The following TRPM2 variants were observed in gnomAD, a reference collection of about 807,000 sequenced individuals.
TRPM2 encodes estrogen-responsive element-associated gene 1 protein.
TRPM2 carries 161 observed loss-of-function variants against 174.0 expected under a neutral mutation model. The ratio of observed to expected loss-of-function variants is 0.93; its 90% CI spans 0.81 to 1.05. TRPM2 has a LOEUF of 1.05. Among genes scored for constraint, TRPM2 ranks in the 50% least tolerant of loss-of-function variants. The probability of loss-of-function intolerance (pLI) is 0.00; values close to 1 mark genes in which losing one functional copy is unlikely to be tolerated. For missense variants in TRPM2, 2,057 were observed against 2,038.0 expected (o/e 1.01, Z -0.18); for synonymous variants, 954 against 861.3 (o/e 1.11, Z -1.88).
intron 2 of TRPM2, among the ~76,000 whole-genome samples, chr21:44,356,994 A>G (rs2048080075): frequency 1.3e-5 from 2 of 152,028 alleles, no homozygotes; most frequent in South Asian, 4.1e-4. Context: ...TTTCGTCGCC[A>G]TCTTGGTTTT....
chr21:44,440,959 G>C, intron 31 of TRPM2, 54 bp downstream of exon 31: 1 of 1,522,806 alleles, frequency 6.6e-7, no homozygotes, highest in Non-Finnish European at 9.1e-7. Flanking sequence ...ACGGGTATGG[G>C]CGTGGCCTCC....
intron 20 of TRPM2, among the ~76,000 whole-genome samples, chr21:44,414,291 G>A (rs568040836): frequency 6.6e-6 from 1 of 152,336 alleles, no homozygotes; most frequent in South Asian, 2.1e-4. Flanking sequence ...GAGCTGGCGT[G>A]GGTCTGTCCT....
upstream of TRPM2, among the ~76,000 whole-genome samples, chr21:44,352,552 A>G (rs2047944405): frequency 6.6e-6 from 1 of 152,236 alleles, no homozygotes; most frequent in South Asian, 2.1e-4. Context: ...CAGGGCAGGG[A>G]TGAGGGGGGA....
At chr21:44,423,912 G>A (rs976922953) in intron 23 of TRPM2, among the ~76,000 whole-genome samples, 180 bp downstream of exon 23, 1 of 152,180 alleles carries the variant, frequency 6.6e-6, no homozygotes, top group Non-Finnish European at 1.5e-5. Flanking sequence ...AGAAAACCCC[G>A]CCCAAGGGTT....
upstream of TRPM2, chr21:44,350,401 A>AGGGGTGC (rs2122995486): frequency 0.043 from 5,683 of 131,512 alleles, 517 homozygotes; most frequent in African/African-American, 0.15. Flanking sequence ...GAGTGCGTGC[A>AGGGGTGC]GGGGTGCGGG....
At position 44,439,062 on chromosome 21, in the gene TRPM2, T is replaced by C. The variant is rs45599332; in HGVS notation, c.4168-5T>C. The C allele has an allele frequency of 4.2e-4, 683 of 1,611,396 alleles. 10 individuals carry two copies. In the African/African-American group the frequency reaches 7.9e-3, roughly 19 times the overall value. ...TTGACCTGCCTCCGTCCTCTGTCTG[T>C]CCAGGGCTCCCGGGAGCCAGGGGAG... On this transcript the variant is annotated splice_polypyrimidine_tract_variant and splice_region_variant and intron_variant, in intron 29 of 31. Transcript: ENST00000397928. This position sits in a 1 kb window ranked among gnomAD's most constrained non-coding sequence, Gnocchi z 5.1.
intron 20 of TRPM2, among the ~76,000 whole-genome samples, 177 bp downstream of exon 20, chr21:44,414,251 G>A (rs1446063863): frequency 1.3e-5 from 2 of 152,178 alleles, no homozygotes; most frequent in African/African-American, 2.4e-5. Flanking sequence ...TCACTGCTGC[G>A]TCTCTTGAGC....
At chr21:44,395,656 CGTGGAGGCTGTGGAGGGGT>C (rs2049326909) in intron 12 of TRPM2, 105 bp downstream of exon 12, 1 of 1,506,176 alleles carries the variant, frequency 6.6e-7, no homozygotes, top group Non-Finnish European at 9.0e-7. Flanking sequence ...GCCAAGTGCA[CGTGGAGGCTGTGGAGGGGT>C]GTGGAGGGGT....
chr21:44,417,351 C>T (rs1230124206), intron 20 of TRPM2, among the ~76,000 whole-genome samples: 6 of 98,440 alleles, frequency 6.1e-5, no homozygotes, highest in African/African-American at 2.4e-4. Flanking sequence ...GGCACGTGGG[C>T]GTGGCTCTGC....
chr21:44,355,298 G>A (rs1024266904), intron 2 of TRPM2, among the ~76,000 whole-genome samples: 17 of 152,186 alleles, frequency 1.1e-4, no homozygotes, highest in African/African-American at 4.1e-4. Context: ...GCTGGATATG[G>A]CCCTCCGGAG....
At position 44,371,875 on chromosome 21, in the gene TRPM2, G is replaced by C. The variant is rs150783103; in HGVS notation, c.771+2532G>C. 4.8e-3 allele frequency among the ~76,000 whole-genome samples: 724 copies of C among 152,342 alleles called. 8 individuals are homozygous for C. The highest frequency in any genetic ancestry group is 0.016 in the African/African-American group (670 of 41,564). On this transcript the variant is annotated intron_variant, in intron 5 of 31. Coordinates refer to ENST00000397928, the MANE Select transcript of TRPM2 (RefSeq NM_003307.4). The stretch of plus-strand genomic sequence containing the variant: ...TGGCTGGGTGTGGGGGCTCACACCT[G>C]TCATCCCAGCACATTGGGAGGCTGA...
chr21:44,387,763 C>A (rs189821353), intron 9 of TRPM2, among the ~76,000 whole-genome samples: 2 of 151,850 alleles, frequency 1.3e-5, no homozygotes, highest in Non-Finnish European at 2.9e-5. Flanking sequence ...TTAAAGAAGT[C>A]GTACAAATGG....
At position 44,399,178 on chromosome 21, in the gene TRPM2, C is replaced by G; in HGVS notation, c.2063-118C>G. 5.1e-6 allele frequency: 7 copies of G among 1,360,838 alleles called. No homozygotes were observed. Among genetic ancestry groups the G allele is most frequent in the Non-Finnish European group, 6.9e-6 (7 of 1,012,974 alleles). The allele number at this position is 1,360,838 out of a possible 1,614,324, so 84.3% of individuals were successfully genotyped here. A position where few individuals can be genotyped will look rare whatever the true frequency, so the allele number is the denominator to read the frequency against. On this transcript the variant is annotated intron_variant, in intron 13 of 31. Transcript: ENST00000397928. The surrounding 1 kb of genome is among the most constrained non-coding windows in gnomAD (Gnocchi z 4.6). The stretch of plus-strand genomic sequence containing the variant: ...TTTTGAGACACCAGCCCCACATTTG[C>G]CCTGTGCCCTTCCCTGTGTCCTGGT...
Position 44,369,208 on chromosome 21 carries a change from C to T in TRPM2, c.636C>T (p.Thr212=). The T allele has an allele frequency of 6.2e-7, 1 of 1,612,670 alleles. No homozygotes were observed. The highest frequency in any genetic ancestry group is 1.1e-5 in the South Asian group (1 of 90,902). ...GGATCATCACAGGGGGGTCCCACAC[C>T]GGCGTCATGAAGCAGGTAGGCGAGG... ...GAWIITGGSH[T]GVMKQVGEAV... Residue 212 remains threonine (T), a synonymous_variant, in exon 5 of 32, where the codon ACC becomes ACT. Coordinates refer to ENST00000397928, the MANE Select transcript of TRPM2 (RefSeq NM_003307.4).
intron 9 of TRPM2, among the ~76,000 whole-genome samples, chr21:44,385,673 A>T (rs2048998710): frequency 6.6e-6 from 1 of 152,234 alleles, no homozygotes; most frequent in Admixed American, 6.5e-5. Context: ...AGACTGGGTA[A>T]TTTATAAAGG....
At chr21:44,388,291 A>T (rs2146231322) in intron 9 of TRPM2, among the ~76,000 whole-genome samples, 1 of 152,356 alleles carries the variant, frequency 6.6e-6, no homozygotes, top group East Asian at 1.9e-4. Flanking sequence ...TGTTAAGTGA[A>T]ATAAGCCAGT....
Position 44,391,701 on chromosome 21 carries a change from T to TA in TRPM2, c.1794+80dup. The TA allele has an allele frequency of 7.7e-7, 1 of 1,299,234 alleles. No individual in the cohort carries two copies. Among genetic ancestry groups the TA allele is most frequent in the Non-Finnish European group, 1.0e-6 (1 of 968,568 alleles). The allele number at this position is 1,299,234 out of a possible 1,614,324, so 80.5% of individuals were successfully genotyped here. ...CTATGTTCTTAGAGCTCTCTGTTTTTAAAATTAGCTTTTATTTTTATTAGA... is the reference window on the plus strand; with the variant it reads ...CTATGTTCTTAGAGCTCTCTGTTTTTAAAAATTAGCTTTTATTTTTATTAGA... On this transcript the variant is annotated intron_variant, in intron 11 of 31. Transcript: ENST00000397928. The surrounding 1 kb of genome is among the most constrained non-coding windows in gnomAD (Gnocchi z 5.0).
chr21:44,382,863 A>G (rs766102843), intron 9 of TRPM2, 43 bp downstream of exon 9: 1 of 1,553,414 alleles, frequency 6.4e-7, no homozygotes, highest in African/African-American at 1.4e-5. Context: ...GGAGGCCAGA[A>G]CGTGAGCTCT....
intron 25 of TRPM2, among the ~76,000 whole-genome samples, chr21:44,426,156 C>A (rs1340240526): frequency 6.6e-6 from 1 of 150,816 alleles, no homozygotes; most frequent in Non-Finnish European, 1.5e-5. Context: ...GGTCCTAGAC[C>A]CCACCCACCC....
Sources: gnomAD v4.1 joint callset for allele counts (sites outside exome capture counted in the v4.1 genomes callset) on GRCh38, gnomAD v4.1.1 for gene constraint, Gnocchi (gnomAD v3.1) non-coding constraint, MANE v1.5 for transcripts, NCBI Gene and HGNC (gene_info 2026-07-23, HGNC 2026-07-21) for gene names.